Variants in AGBL1 observed in about 807,000 individuals in gnomAD.
The protein encoded by AGBL1 is AGBL carboxypeptidase 1, also known as cytosolic carboxypeptidase 4.
Under a neutral mutation model 118.9 loss-of-function variants are expected in AGBL1, and 130 were observed. The ratio of observed to expected loss-of-function variants is 1.09; its 90% CI spans 0.95 to 1.26. The LOEUF (loss-of-function observed/expected upper bound fraction) is 1.26, where lower values mean the gene tolerates loss of function less well. Ranked by LOEUF, AGBL1 falls within the 50% of genes most tolerant of loss-of-function variation. The probability of loss-of-function intolerance (pLI) is 0.00; values close to 1 mark genes in which losing one functional copy is unlikely to be tolerated. For missense variants in AGBL1, 1,584 were observed against 1,298.1 expected (o/e 1.22, Z -3.38); for synonymous variants, 555 against 478.9 (o/e 1.16, Z -2.08).
intron 21 of AGBL1, among the ~76,000 whole-genome samples, chr15:86,598,658 G>A (rs747802521): frequency 6.6e-6 from 1 of 152,122 alleles, no homozygotes; most frequent in Non-Finnish European, 1.5e-5. Flanking sequence ...ACTTCTGTAT[G>A]TATGCTTCCC....
chr15:86,480,021 G>T (rs2082628662), intron 18 of AGBL1, among the ~76,000 whole-genome samples: 1 of 151,998 alleles, frequency 6.6e-6, no homozygotes. Context: ...TCACTCATAG[G>T]TGGGAATTGA....
chr15:86,892,568 A>G lies in AGBL1; in HGVS notation c.3159-14519A>G, dbSNP rs747299433. Among the ~76,000 whole-genome samples the G allele has an allele frequency of 4.0e-5, 6 of 151,898 alleles. No individual in the cohort carries two copies. In the South Asian group the frequency reaches 6.2e-4, roughly 16 times the overall value. ...CTAAACTTCTAAATCTCTTTTTCCA[A>G]TTGTTAAGTAGGATTGATAAGATCT... On this transcript the variant is annotated intron_variant, in intron 22 of 22. Transcript: ENST00000614907.
chr15:86,088,306 C>G (rs1043713777), intron 1 of AGBL1: 1 of 152,300 alleles, frequency 6.6e-6, no homozygotes, highest in African/African-American at 2.4e-5. Flanking sequence ...GAACTTACCT[C>G]TCTGTGGTGG....
intron 18 of AGBL1, among the ~76,000 whole-genome samples, chr15:86,478,032 C>A (rs2082588728): frequency 1.3e-5 from 2 of 152,150 alleles, no homozygotes; most frequent in African/African-American, 4.8e-5. Context: ...AATTCAACAG[C>A]CCTTCATGCT....
At chr15:86,297,169 G>T (rs1455883394) in intron 17 of AGBL1, 3 of 152,054 alleles carry the variant, frequency 2.0e-5, no homozygotes, top group Non-Finnish European at 2.9e-5. Flanking sequence ...TGTAAGATGG[G>T]TTATAGTAAG....
intron 16 of AGBL1, among the ~76,000 whole-genome samples, chr15:86,293,064 A>G (rs61472468): frequency 0.041 from 6,248 of 152,234 alleles, 388 homozygotes; most frequent in African/African-American, 0.13. Flanking sequence ...TTTTCTTGGC[A>G]CTTTTTCTTT....
At chr15:86,932,239 A>G (rs1001593867) in intron 23 of AGBL1, among the ~76,000 whole-genome samples, 1 of 152,220 alleles carries the variant, frequency 6.6e-6, no homozygotes, top group African/African-American at 2.4e-5. Context: ...ATAATGTAAA[A>G]TTCCCTAAGT....
intron 22 of AGBL1, among the ~76,000 whole-genome samples, chr15:86,790,386 A>G (rs528854189): frequency 1.3e-5 from 2 of 152,090 alleles, no homozygotes; most frequent in South Asian, 4.2e-4. Context: ...GCACGCACAC[A>G]CACACACACA....
At chr15:86,572,765 C>G (rs953133352) in intron 21 of AGBL1, among the ~76,000 whole-genome samples, 1 of 152,246 alleles carries the variant, frequency 6.6e-6, no homozygotes. Context: ...GCTGCTTCAG[C>G]CAGCATGATG....
intron 23 of AGBL1, among the ~76,000 whole-genome samples, chr15:86,963,921 C>T (rs921211413): frequency 6.6e-6 from 1 of 151,182 alleles, no homozygotes; most frequent in Non-Finnish European, 1.5e-5. Flanking sequence ...GAATTATGAG[C>T]GATTCAAGGG....
chr15:86,271,103 T>A (rs2079154054), intron 14 of AGBL1, among the ~76,000 whole-genome samples: 1 of 131,430 alleles, frequency 7.6e-6, no homozygotes, highest in African/African-American at 2.9e-5. Context: ...TAGGCTGGAG[T>A]GCAGTGGTGT....
chr15:86,252,208 A>G (rs2078827926), intron 7 of AGBL1, among the ~76,000 whole-genome samples: 1 of 152,198 alleles, frequency 6.6e-6, no homozygotes, highest in East Asian at 1.9e-4. Flanking sequence ...TAAAAGTCAC[A>G]GTTGCCACCA....
At chr15:87,024,373 C>T (rs951458762) in intron 24 of AGBL1, among the ~76,000 whole-genome samples, 5 of 151,822 alleles carry the variant, frequency 3.3e-5, no homozygotes, top group Non-Finnish European at 5.9e-5. Flanking sequence ...AAATTAGAAA[C>T]CTAGAAGAAA....
At chr15:86,325,476 G>A (rs2080170064) in intron 17 of AGBL1, among the ~76,000 whole-genome samples, 1 of 152,180 alleles carries the variant, frequency 6.6e-6, no homozygotes, top group African/African-American at 2.4e-5. Context: ...GAGCAATCAG[G>A]ACTTGAATTA....
intron 22 of AGBL1, among the ~76,000 whole-genome samples, chr15:86,698,817 T>A (rs1596380823): frequency 6.6e-6 from 1 of 152,096 alleles, no homozygotes; most frequent in East Asian, 1.9e-4. Context: ...CTGCCATTAA[T>A]GAAATGGATT....
chr15:86,890,455 T>G (rs2080037099), intron 22 of AGBL1, among the ~76,000 whole-genome samples: 1 of 152,190 alleles, frequency 6.6e-6, no homozygotes, highest in East Asian at 1.9e-4. Context: ...GTTTTTCTTA[T>G]AAAATCTTTG....
intron 21 of AGBL1, among the ~76,000 whole-genome samples, chr15:86,585,050 A>G (rs1036746893): frequency 2.0e-5 from 3 of 152,168 alleles, no homozygotes; most frequent in African/African-American, 7.2e-5. Flanking sequence ...CTAAAACTTT[A>G]CTGAAGTTGC....
chr15:86,574,528 G>C (rs1191495382), intron 21 of AGBL1, among the ~76,000 whole-genome samples: 2 of 151,396 alleles, frequency 1.3e-5, no homozygotes, highest in African/African-American at 4.9e-5. Context: ...GGAATCTAAG[G>C]AGATACATAA....
At chr15:86,096,375 T>G (rs928854028) in intron 1 of AGBL1, among the ~76,000 whole-genome samples, 47 of 152,262 alleles carry the variant, frequency 3.1e-4, no homozygotes, top group African/African-American at 1.1e-3. Context: ...GAATAAACAC[T>G]TTACTGAGAA....
Sources: gnomAD v4.1 joint callset for allele counts (sites outside exome capture counted in the v4.1 genomes callset) on GRCh38, gnomAD v4.1.1 for gene constraint, MANE v1.5 for transcripts, NCBI Gene and HGNC (gene_info 2026-07-23, HGNC 2026-07-21) for gene names.